AGO2: variants seen among roughly 807,000 people sequenced by gnomAD.
AGO2 encodes the protein protein argonaute-2.
AGO2 carries 5 observed loss-of-function variants against 102.3 expected under a neutral mutation model. The observed-to-expected ratio is 0.05, with a 90% CI of 0.03 to 0.10. The LOEUF (loss-of-function observed/expected upper bound fraction) is 0.10. AGO2 is among the 10% of genes least tolerant of loss of function. The pLI, the probability that AGO2 is intolerant of heterozygous loss-of-function variation, is 1.00. For synonymous variants in AGO2, 449 were observed against 473.1 expected (o/e 0.95, Z 0.66); for missense variants, 541 against 1,183.7 (o/e 0.46, Z 7.97).
intron 1 of AGO2, among the ~76,000 whole-genome samples, chr8:140,586,827 A>AC (rs2073666562): frequency 6.6e-6 from 1 of 152,188 alleles, no homozygotes; most frequent in South Asian, 2.1e-4. Flanking sequence ...CGTCTAGGAC[A>AC]GAGCCCGGGA....
chr8:140,575,235 CCCCTGGCACCT>C lies in AGO2; in HGVS notation c.216-2314_216-2304del, dbSNP rs2073445762. Among the ~76,000 whole-genome samples the C allele has an allele frequency of 2.0e-5, 3 of 151,960 alleles. No homozygotes were observed. The South Asian group carries it at 6.2e-4, about 32-fold the overall frequency. On this transcript the variant is annotated intron_variant, in intron 2 of 18. Coordinates refer to ENST00000220592, the MANE Select transcript of AGO2 (RefSeq NM_012154.5). ...CTACCTGGCAGCCACGGCACAATCT[CCCCTGGCACCT>C]CCCTGGCAGCCAGGGCACAATCTCA...
intron 4 of AGO2, among the ~76,000 whole-genome samples, chr8:140,561,230 G>A (rs888640427): frequency 3.3e-5 from 5 of 152,218 alleles, no homozygotes; most frequent in African/African-American, 4.8e-5. Context: ...CCCGGGAGGC[G>A]CCGTCACTAA....
chr8:140,541,047 C>T lies in AGO2; in HGVS notation c.2034+117G>A, dbSNP rs2072788407. On this transcript the variant is annotated intron_variant, in intron 15 of 18. Coordinates refer to ENST00000220592, the MANE Select transcript of AGO2 (RefSeq NM_012154.5). ...CCTTCCATGGTGTGACCAGATCAGC[C>T]TTGGGGCCGAATGAGAGCCACATCA... 2.4e-6 allele frequency: 3 copies of T among 1,257,690 alleles called. No homozygotes were observed. In the South Asian group the frequency reaches 4.6e-5, roughly 19 times the overall value. The allele number at this position is 1,257,690 out of a possible 1,614,324, so 77.9% of individuals were successfully genotyped here. A position where few individuals can be genotyped will look rare whatever the true frequency, so the allele number is the denominator to read the frequency against.
upstream of AGO2, among the ~76,000 whole-genome samples, chr8:140,635,803 C>T (rs2074402336): frequency 7.9e-6 from 1 of 127,270 alleles, no homozygotes; most frequent in Non-Finnish European, 1.7e-5. Context: ...GCGGCGGCGG[C>T]GGCGGCGCCG....
chr8:140,619,694 G>A (rs931012073), intron 1 of AGO2, among the ~76,000 whole-genome samples: 1 of 152,216 alleles, frequency 6.6e-6, no homozygotes, highest in African/African-American at 2.4e-5. Flanking sequence ...TCTGTGTCTC[G>A]CAGGGGTGCG....
At chr8:140,545,054 C>G (rs2072875559) in intron 13 of AGO2, among the ~76,000 whole-genome samples, 1 of 152,206 alleles carries the variant, frequency 6.6e-6, no homozygotes, top group Non-Finnish European at 1.5e-5. Flanking sequence ...AGTGGCCGTT[C>G]TGCCAGCCCT....
At chr8:140,641,008 A>G in the AGO2 span, among the ~76,000 whole-genome samples, 8 of 152,332 alleles carry the variant, frequency 5.3e-5, no homozygotes, top group South Asian at 2.1e-4. Context: ...AATAAAAGCT[A>G]TCTTTCACTA....
chr8:140,612,220 C>CAAAAAAA (rs542472147), intron 1 of AGO2, among the ~76,000 whole-genome samples: 2 of 95,958 alleles, frequency 2.1e-5, no homozygotes, highest in Non-Finnish European at 2.0e-5. Context: ...GACTCTGTCT[C>CAAAAAAA]AAAAAAAAAA....
intron 3 of AGO2, among the ~76,000 whole-genome samples, chr8:140,563,089 C>A (rs546636392): frequency 1.3e-5 from 2 of 152,326 alleles, no homozygotes; most frequent in South Asian, 4.1e-4. Context: ...TATGTGGACA[C>A]ACACGAGCCC....
chr8:140,624,542 G>A (rs935107227), intron 1 of AGO2, among the ~76,000 whole-genome samples: 2 of 152,216 alleles, frequency 1.3e-5, no homozygotes, highest in Non-Finnish European at 2.9e-5. Context: ...ATGCAGCTGC[G>A]GGAGACGGCA....
chr8:140,533,000 CA>C (rs35812545), intron 17 of AGO2, among the ~76,000 whole-genome samples: 39,593 of 111,786 alleles, frequency 0.35, 5,976 homozygotes, highest in East Asian at 0.6. Context: ...TCCTCTGTCT[CA>C]AAAAAAAAAA....
At chr8:140,561,670 A>G (rs1472140994) in intron 4 of AGO2, among the ~76,000 whole-genome samples, 2 of 152,234 alleles carry the variant, frequency 1.3e-5, no homozygotes, top group Admixed American at 1.3e-4. Context: ...GGTCCCTTCT[A>G]AAAATCTTAC....
intron 12 of AGO2, among the ~76,000 whole-genome samples, 175 bp downstream of exon 12, chr8:140,548,939 C>A (rs1011838574): frequency 6.6e-6 from 1 of 152,268 alleles, no homozygotes; most frequent in African/African-American, 2.4e-5. Flanking sequence ...AGGCCCTGAA[C>A]ACAGTGATCA....
At chr8:140,577,973 C>T (rs923577018) in intron 2 of AGO2, among the ~76,000 whole-genome samples, 11 of 152,190 alleles carry the variant, frequency 7.2e-5, no homozygotes, top group South Asian at 2.1e-4. Flanking sequence ...GGAGGCTGTT[C>T]GGTCATGCCA....
chr8:140,620,300 C>T (rs2074202715), intron 1 of AGO2, among the ~76,000 whole-genome samples: 1 of 152,186 alleles, frequency 6.6e-6, no homozygotes, highest in Non-Finnish European at 1.5e-5. Context: ...TGTAGCAATG[C>T]TAACCTGCCC....
rs757812158 is a variant in AGO2, at chr8:140,521,001, T to TAATA, written c.*11042_*11043insTATT. The stretch of plus-strand genomic sequence containing the variant: ...TTTTAAATTTCTTTCAACAGTCTAT[T>TAATA]GGGGTCCAAAAAGCATATATCAAAA... On this transcript the variant is annotated 3_prime_UTR_variant, in exon 19 of 19. Coordinates refer to ENST00000220592, the MANE Select transcript of AGO2 (RefSeq NM_012154.5). The TAATA allele has an allele frequency of 3.5e-4, 54 of 152,168 alleles. No individual in the cohort carries two copies. Among genetic ancestry groups the TAATA allele is most frequent in the Non-Finnish European group, 7.6e-4 (52 of 68,040 alleles). 9.4% of individuals were successfully genotyped at this position (152,168 alleles called of 1,614,324 possible). A position where few individuals can be genotyped will look rare whatever the true frequency, so the allele number is the denominator to read the frequency against.
chr8:140,573,013 T>C (rs2073407668), intron 2 of AGO2, 81 bp from the exon 3 acceptor site: 1 of 1,285,488 alleles, frequency 7.8e-7, no homozygotes, highest in African/African-American at 1.5e-5. Flanking sequence ...GACGCTATTT[T>C]TTTTTTTTTT....
intron 1 of AGO2, among the ~76,000 whole-genome samples, chr8:140,594,287 G>A (rs1265936043): frequency 6.6e-6 from 1 of 152,144 alleles, no homozygotes; most frequent in Non-Finnish European, 1.5e-5. Context: ...AAAATAAGGT[G>A]AGCTCCCTCT....
At chr8:140,583,973 G>C (rs140476676) in intron 2 of AGO2, among the ~76,000 whole-genome samples, 1 of 152,140 alleles carries the variant, frequency 6.6e-6, no homozygotes, top group Non-Finnish European at 1.5e-5. Flanking sequence ...TTGGGACCAC[G>C]GTGGTATATG....
Sources: gnomAD v4.1 joint callset for allele counts (sites outside exome capture counted in the v4.1 genomes callset) on GRCh38, gnomAD v4.1.1 for gene constraint, MANE v1.5 for transcripts, NCBI Gene and HGNC (gene_info 2026-07-23, HGNC 2026-07-21) for gene names.